Variants in CDH9 observed in about 807,000 individuals in gnomAD.
CDH9 encodes the protein cadherin-9.
A neutral mutation model predicts 70.9 loss-of-function variants in CDH9; 28 were observed. The observed-to-expected ratio is 0.40, with a 90% CI of 0.29 to 0.54. The LOEUF (loss-of-function observed/expected upper bound fraction) is 0.54, where lower values mean the gene tolerates loss of function less well. Among genes scored for constraint, CDH9 ranks in the 20% least tolerant of loss-of-function variants. The pLI, the probability that CDH9 is intolerant of heterozygous loss-of-function variation, is 0.59. For missense variants in CDH9, 874 were observed against 984.4 expected (o/e 0.89, Z 1.50); for synonymous variants, 409 against 343.1 (o/e 1.19, Z -2.12).
At chr5:26,957,868 G>A (rs1174435336) in intron 2 of CDH9, among the ~76,000 whole-genome samples, 6 of 99,300 alleles carry the variant, frequency 6.0e-5, no homozygotes, top group South Asian at 2.7e-4. Flanking sequence ...TTTTATATAC[G>A]GATTCTATTT....
At chr5:26,970,421 C>G (rs1416875447) in intron 2 of CDH9, among the ~76,000 whole-genome samples, 1 of 151,968 alleles carries the variant, frequency 6.6e-6, no homozygotes, top group Non-Finnish European at 1.5e-5. Flanking sequence ...TAACAATTTA[C>G]CTAACATGAG....
intron 2 of CDH9, among the ~76,000 whole-genome samples, chr5:26,956,134 A>AATTC (rs1255447931): frequency 7.2e-5 from 11 of 152,128 alleles, no homozygotes; most frequent in African/African-American, 2.4e-4. Flanking sequence ...TAGCTGTCAT[A>AATTC]ATTCCCATGT....
intron 1 of CDH9, among the ~76,000 whole-genome samples, chr5:26,990,533 T>C (rs1396830310): frequency 6.6e-6 from 1 of 152,200 alleles, no homozygotes; most frequent in Non-Finnish European, 1.5e-5. Context: ...TGTGGAATAA[T>C]TGGTAAATTT....
chr5:26,990,451 T>G (rs1742562077), intron 1 of CDH9, among the ~76,000 whole-genome samples: 1 of 152,206 alleles, frequency 6.6e-6, no homozygotes, highest in Admixed American at 6.6e-5. Context: ...TTACACCATT[T>G]TTCAATGCTG....
At position 26,988,019 on chromosome 5, in the gene CDH9, A is replaced by G. The variant is rs186716743; in HGVS notation, c.228+87T>C. On this transcript the variant is annotated intron_variant, in intron 2 of 11. Coordinates refer to ENST00000231021, the MANE Select transcript of CDH9 (RefSeq NM_016279.4). Reference sequence around the variant, plus strand: ...AACATAATTAGTTAAATATTTTTTAATAATCACTAGTGAAAAGAAAAGTTG... The same window carrying G: ...AACATAATTAGTTAAATATTTTTTAGTAATCACTAGTGAAAAGAAAAGTTG... 4 of 851,456 alleles carry G rather than the reference A, an allele frequency of 4.7e-6. No homozygotes were observed. The Admixed American group carries it at 1.1e-4, about 22-fold the overall frequency. The allele number at this position is 851,456 out of a possible 1,614,324, so 52.7% of individuals were successfully genotyped here. A position where few individuals can be genotyped will look rare whatever the true frequency, so the allele number is the denominator to read the frequency against.
rs118057982 is a variant in CDH9 at position 26,995,338 on chromosome 5, G to A, written c.-49-6956C>T. Among the ~76,000 whole-genome samples, 384 of 152,216 alleles carry A rather than the reference G, an allele frequency of 2.5e-3. 14 individuals carry two copies. The East Asian group carries it at 0.059, about 23-fold the overall frequency. On this transcript the variant is annotated intron_variant, in intron 1 of 11. Coordinates refer to ENST00000231021, the MANE Select transcript of CDH9 (RefSeq NM_016279.4). ...GAAAGAGTTGAACTGGGAGAAAATA[G>A]GCCTTTTGAAAACATTCAGGGTTTT...
chr5:26,899,295 T>C (rs1410633701), intron 7 of CDH9, among the ~76,000 whole-genome samples: 2 of 152,130 alleles, frequency 1.3e-5, no homozygotes, highest in Non-Finnish European at 2.9e-5. Flanking sequence ...AGAAATACCA[T>C]TTGACCCAGC....
At chr5:26,891,919 C>T (rs1157003190) in intron 7 of CDH9, among the ~76,000 whole-genome samples, 4 of 152,124 alleles carry the variant, frequency 2.6e-5, no homozygotes, top group Non-Finnish European at 4.4e-5. Context: ...CTTCCCCACA[C>T]AACTGCAAGG....
chr5:26,938,012 T>C (rs1741590737), intron 2 of CDH9, among the ~76,000 whole-genome samples: 2 of 152,126 alleles, frequency 1.3e-5, no homozygotes, highest in African/African-American at 2.4e-5. Flanking sequence ...TATTGGAATA[T>C]CATTTTTTAA....
chr5:26,884,374 G>T (rs1350952166), intron 11 of CDH9, among the ~76,000 whole-genome samples: 2 of 152,118 alleles, frequency 1.3e-5, no homozygotes, highest in Non-Finnish European at 2.9e-5. Flanking sequence ...TTTACATGTT[G>T]TTCTAAATTA....
At chr5:27,001,842 A>ACTCTCTCTCTCTCTCTCTCTCTCTCT (rs1430161167) in intron 1 of CDH9, among the ~76,000 whole-genome samples, 1 of 125,866 alleles carries the variant, frequency 7.9e-6, no homozygotes, top group African/African-American at 3.1e-5. Context: ...ACACACACAC[A>ACTCTCTCTCTCTCTCTCTCTCTCTCT]CACTCTCTCT....
intron 2 of CDH9, among the ~76,000 whole-genome samples, chr5:26,938,746 A>G (rs939963807): frequency 1.3e-5 from 2 of 152,104 alleles, no homozygotes; most frequent in Non-Finnish European, 2.9e-5. Context: ...GGGTATATTC[A>G]TGCAACCCAA....
intron 2 of CDH9, among the ~76,000 whole-genome samples, chr5:26,926,937 A>G: frequency 6.8e-6 from 1 of 146,036 alleles, no homozygotes; most frequent in African/African-American, 2.5e-5. Flanking sequence ...GCAAAAAAAA[A>G]AGAAACAAAG....
intron 2 of CDH9, among the ~76,000 whole-genome samples, chr5:26,977,983 C>T (rs7719204): frequency 0.47 from 71,784 of 151,670 alleles, 17,795 homozygotes; most frequent in African/African-American, 0.52. Flanking sequence ...AAAATAATAG[C>T]CTGCCTAGAA....
intron 1 of CDH9, among the ~76,000 whole-genome samples, chr5:27,027,540 A>G (rs1743240031): frequency 6.6e-6 from 1 of 152,074 alleles, no homozygotes; most frequent in African/African-American, 2.4e-5. Context: ...AGTTTTGCAC[A>G]GGAAGCTCCT....
chr5:26,906,247 A>C, intron 4 of CDH9, 121 bp from the exon 5 acceptor site: 1 of 735,236 alleles, frequency 1.4e-6, no homozygotes, highest in Non-Finnish European at 2.2e-6. Context: ...GTATTTAAAT[A>C]TGTCCTTCAA....
intron 2 of CDH9, among the ~76,000 whole-genome samples, chr5:26,939,520 A>T (rs1741622268): frequency 1.3e-5 from 2 of 151,748 alleles, no homozygotes; most frequent in African/African-American, 4.8e-5. Flanking sequence ...TCAAATTTAC[A>T]GTGACAAAAT....
intron 1 of CDH9, among the ~76,000 whole-genome samples, chr5:26,991,597 A>G (rs928299751): frequency 1.3e-5 from 2 of 152,194 alleles, no homozygotes; most frequent in Admixed American, 1.3e-4. Flanking sequence ...TTAACTGATC[A>G]ATTGCCCAAA....
intron 2 of CDH9, among the ~76,000 whole-genome samples, chr5:26,964,252 G>A (rs1477693056): frequency 6.6e-6 from 1 of 151,808 alleles, no homozygotes; most frequent in South Asian, 2.1e-4. Flanking sequence ...AGAACATGGG[G>A]AAATATTTTT....
Sources: allele counts gnomAD v4.1 joint callset (sites outside exome capture counted in the v4.1 genomes callset), GRCh38; gene constraint gnomAD v4.1.1; transcripts MANE v1.5; gene names NCBI Gene and HGNC (gene_info 2026-07-23, HGNC 2026-07-21).